The following A1CF variants were observed in gnomAD, a reference collection of about 807,000 sequenced individuals.
The protein encoded by A1CF is APOBEC-1 stimulating protein.
In A1CF, 48 loss-of-function variants were observed where a neutral mutation model predicts 68.9. That is an observed-to-expected ratio of 0.70 (90% CI 0.55 to 0.89). The LOEUF (loss-of-function observed/expected upper bound fraction) is 0.89, where lower values mean the gene tolerates loss of function less well. Among genes scored for constraint, A1CF ranks in the 40% least tolerant of loss-of-function variants. The pLI, the probability that A1CF is intolerant of heterozygous loss-of-function variation, is 0.00. For synonymous variants in A1CF, 272 were observed against 260.4 expected (o/e 1.04, Z -0.43); for missense variants, 653 against 718.9 (o/e 0.91, Z 1.05).
At chr10:50,829,730 A>G (rs907079228) in intron 6 of A1CF, among the ~76,000 whole-genome samples, 1 of 152,094 alleles carries the variant, frequency 6.6e-6, no homozygotes, top group African/African-American at 2.4e-5. Flanking sequence ...TTATTCCAAG[A>G]TCCCCAAGGC....
chr10:50,861,644 AT>A (rs1194003089), intron 2 of A1CF, among the ~76,000 whole-genome samples: 5 of 148,008 alleles, frequency 3.4e-5, no homozygotes, highest in Non-Finnish European at 7.4e-5. Context: ...TTGTAGCACT[AT>A]TAATAATGAC....
chr10:50,851,649 C>T (rs1840246222), intron 3 of A1CF, among the ~76,000 whole-genome samples: 1 of 152,150 alleles, frequency 6.6e-6, no homozygotes, highest in African/African-American at 2.4e-5. Flanking sequence ...GCTCTCGGGA[C>T]TTAAAAAGGT....
intron 3 of A1CF, among the ~76,000 whole-genome samples, chr10:50,849,172 T>C (rs1564519933): frequency 6.6e-6 from 1 of 152,142 alleles, no homozygotes; most frequent in Non-Finnish European, 1.5e-5. Flanking sequence ...TCTTCTAAAG[T>C]TTTTGTTGCC....
At chr10:50,879,699 A>G (rs917211826) in intron 1 of A1CF, among the ~76,000 whole-genome samples, 5 of 152,180 alleles carry the variant, frequency 3.3e-5, no homozygotes, top group Admixed American at 6.6e-5. Context: ...GCATGGGGGA[A>G]ACCACCCCCA....
At chr10:50,872,032 A>G (rs1841291550) in intron 1 of A1CF, among the ~76,000 whole-genome samples, 1 of 152,118 alleles carries the variant, frequency 6.6e-6, no homozygotes, top group Non-Finnish European at 1.5e-5. Context: ...ATTATCTGTA[A>G]TATACAGATT....
At chr10:50,830,705 A>T (rs1437808937) in intron 6 of A1CF, among the ~76,000 whole-genome samples, 1 of 152,192 alleles carries the variant, frequency 6.6e-6, no homozygotes, top group African/African-American at 2.4e-5. Context: ...AGCAATCTAC[A>T]GATTCAATGC....
At chr10:50,884,888 T>A (rs1051750231) in intron 1 of A1CF, among the ~76,000 whole-genome samples, 1 of 152,148 alleles carries the variant, frequency 6.6e-6, no homozygotes, top group Non-Finnish European at 1.5e-5. Context: ...AAAAAAAATA[T>A]GTGAAAATAT....
At chr10:50,850,759 G>C (rs1174147768) in intron 3 of A1CF, 28 of 1,614,030 alleles carry the variant, frequency 1.7e-5, no homozygotes, top group Non-Finnish European at 2.2e-5. Flanking sequence ...TTCTGGCTCT[G>C]GGCATGTGCC....
chr10:50,871,891 C>T (rs1366350869), intron 1 of A1CF, among the ~76,000 whole-genome samples: 1 of 151,868 alleles, frequency 6.6e-6, no homozygotes, highest in Non-Finnish European at 1.5e-5. Flanking sequence ...TATTAAGAAC[C>T]ATAAATGAAA....
At chr10:50,871,726 A>G (rs1841276423) in intron 1 of A1CF, among the ~76,000 whole-genome samples, 1 of 152,066 alleles carries the variant, frequency 6.6e-6, no homozygotes, top group South Asian at 2.1e-4. Context: ...AAACAATTTG[A>G]GAAAAAAAAT....
At position 50,803,631 on chromosome 10, in the gene A1CF, A is replaced by G. The variant is rs1837702820; in HGVS notation, c.*3098T>C. 1 of 152,240 alleles carries G rather than the reference A, an allele frequency of 6.6e-6. No homozygotes were observed. Among genetic ancestry groups the G allele is most frequent in the Non-Finnish European group, 1.5e-5 (1 of 68,052 alleles). The allele number at this position is 152,240 out of a possible 1,614,324, so 9.4% of individuals were successfully genotyped here. A position where few individuals can be genotyped will look rare whatever the true frequency, so the allele number is the denominator to read the frequency against. Reference sequence around the variant, plus strand: ...GCAGCACTTTTATAGGAAAGAAAATAGATACCCAATCCCATTGCTGATCAA... The same window carrying G: ...GCAGCACTTTTATAGGAAAGAAAATGGATACCCAATCCCATTGCTGATCAA... On this transcript the variant is annotated 3_prime_UTR_variant, in exon 13 of 13. Coordinates refer to ENST00000373997, the MANE Select transcript of A1CF (RefSeq NM_014576.4).
chr10:50,860,432 T>C (rs1840691000), intron 2 of A1CF, among the ~76,000 whole-genome samples: 1 of 152,228 alleles, frequency 6.6e-6, no homozygotes, highest in South Asian at 2.1e-4. Context: ...AAGATAGTTA[T>C]CTACTTATTC....
At position 50,816,100 on chromosome 10, in the gene A1CF, G is replaced by C. The variant is rs200661627; in HGVS notation, c.1047C>G (p.Ala349=). The change falls in exon 9 of 13, where the codon GCC becomes GCG. Residue 349 remains alanine, a synonymous_variant. Transcript: ENST00000373997. ...TTYLGAPVFY[A]PQTYAAIPSL... is the part of the protein sequence containing the mutation. ...TGGGAATTGCTGCATAGGTCTGGGGGGCATAGAAGACAGGAGCTCCAAGGT... is the reference window on the plus strand; with the variant it reads ...TGGGAATTGCTGCATAGGTCTGGGGCGCATAGAAGACAGGAGCTCCAAGGT... The C allele has an allele frequency of 6.2e-7, 1 of 1,613,752 alleles. No individual in the cohort carries two copies. Among genetic ancestry groups the C allele is most frequent in the Non-Finnish European group, 8.5e-7 (1 of 1,179,868 alleles).
chr10:50,884,322 T>G (rs1366399369), intron 1 of A1CF, among the ~76,000 whole-genome samples: 1 of 152,222 alleles, frequency 6.6e-6, no homozygotes, highest in African/African-American at 2.4e-5. Flanking sequence ...CTTTTTTCCC[T>G]TGAAATCGAT....
At chr10:50,857,351 AAATT>A (rs1458227889) in intron 3 of A1CF, among the ~76,000 whole-genome samples, 2 of 152,166 alleles carry the variant, frequency 1.3e-5, no homozygotes, top group African/African-American at 4.8e-5. Flanking sequence ...AATATGTAAT[AAATT>A]ATCATTAACT....
intron 7 of A1CF, chr10:50,823,968 C>T (rs73326753): frequency 6.6e-6 from 1 of 152,092 alleles, no homozygotes; most frequent in Admixed American, 6.6e-5. Flanking sequence ...AGCCTTGGCA[C>T]AGTACATACT....
chr10:50,868,056 A>G (rs150518826), intron 1 of A1CF, among the ~76,000 whole-genome samples: 34 of 152,266 alleles, frequency 2.2e-4, no homozygotes, highest in Middle Eastern at 3.4e-3. Flanking sequence ...CAAATCCATG[A>G]TGGCTTCACT....
At chr10:50,826,367 C>G (rs978342765) in intron 7 of A1CF, among the ~76,000 whole-genome samples, 2 of 151,974 alleles carry the variant, frequency 1.3e-5, no homozygotes, top group African/African-American at 4.8e-5. Context: ...TAAATAAAAG[C>G]ATTTCTATTT....
rs1837714627 is a variant in A1CF, at chr10:50,803,975, T to C, written c.*2754A>G. ...AATTTAAAAAAGCCCGTTGTCTTAA[T>C]AATTTTAAACTTATGGTAGCAGGAC... On this transcript the variant is annotated 3_prime_UTR_variant, in exon 13 of 13. Transcript: ENST00000373997. 6.6e-6 allele frequency: 1 copy of C among 152,208 alleles called. No homozygotes were observed. Among genetic ancestry groups the C allele is most frequent in the South Asian group, 2.1e-4 (1 of 4,828 alleles). The allele number at this position is 152,208 out of a possible 1,614,324, so 9.4% of individuals were successfully genotyped here. A position where few individuals can be genotyped will look rare whatever the true frequency, so the allele number is the denominator to read the frequency against.
Sources: gnomAD v4.1 joint callset for allele counts (sites outside exome capture counted in the v4.1 genomes callset) on GRCh38, gnomAD v4.1.1 for gene constraint, MANE v1.5 for transcripts, NCBI Gene and HGNC (gene_info 2026-07-23, HGNC 2026-07-21) for gene names.